Variants in RBFOX1 observed in about 807,000 individuals in gnomAD.
The protein encoded by RBFOX1 is RNA binding fox-1 homolog 1.
Under a neutral mutation model 57.7 loss-of-function variants are expected in RBFOX1, and 8 were observed. That is an observed-to-expected ratio of 0.14 (90% CI 0.08 to 0.25). RBFOX1 has a LOEUF of 0.25. Ranked by LOEUF, RBFOX1 falls within the 10% of genes least tolerant of loss-of-function variation. The pLI is 1.00. For missense variants in RBFOX1, 611 were observed against 548.5 expected, an observed-to-expected ratio of 1.11 and a Z score of -1.14; for synonymous variants, 326 against 222.4, an observed-to-expected ratio of 1.47 and a Z score of -4.15.
chr16:6,650,313 C>G (rs1476056370), intron 2 of RBFOX1, among the ~76,000 whole-genome samples: 1 of 151,810 alleles, frequency 6.6e-6, no homozygotes, highest in Non-Finnish European at 1.5e-5. Flanking sequence ...GTGAATAACC[C>G]CTTCTTCCCA....
chr16:7,045,981 C>G (rs571916062), intron 3 of RBFOX1, among the ~76,000 whole-genome samples: 2 of 151,994 alleles, frequency 1.3e-5, no homozygotes, highest in Admixed American at 1.3e-4. Flanking sequence ...TATTAATTAA[C>G]GAAAATCAAT....
intron 11 of RBFOX1, among the ~76,000 whole-genome samples, chr16:7,652,126 G>A (rs1394155817): frequency 6.6e-6 from 1 of 152,138 alleles, no homozygotes. Flanking sequence ...AACATTGCCT[G>A]CTACTTAGTG....
At chr16:7,673,129 A>C (rs1255199391) in intron 13 of RBFOX1, among the ~76,000 whole-genome samples, 1 of 152,038 alleles carries the variant, frequency 6.6e-6, no homozygotes, top group Non-Finnish European at 1.5e-5. Flanking sequence ...TTACAGTCCT[A>C]CCGACGCCCA....
At chr16:7,444,145 T>G (rs549965994) in intron 4 of RBFOX1, among the ~76,000 whole-genome samples, 1 of 152,328 alleles carries the variant, frequency 6.6e-6, no homozygotes, top group African/African-American at 2.4e-5. Context: ...AAACCAACAT[T>G]AGCTAGGGTT....
chr16:6,080,794 G>A (rs140553159), intron 1 of RBFOX1, among the ~76,000 whole-genome samples: 3 of 152,272 alleles, frequency 2.0e-5, no homozygotes, highest in Admixed American at 6.5e-5. Flanking sequence ...TTTGGTAACC[G>A]GCCAATTCCA....
chr16:6,256,171 G>GTA (rs1302097316), intron 1 of RBFOX1, among the ~76,000 whole-genome samples: 1 of 7,640 alleles, frequency 1.3e-4, no homozygotes, highest in African/African-American at 2.6e-4. Flanking sequence ...ATATATATAT[G>GTA]TATATATATA....
At chr16:7,614,141 C>T (rs747847942) in intron 10 of RBFOX1, 2 of 152,324 alleles carry the variant, frequency 1.3e-5, no homozygotes, top group Non-Finnish European at 2.9e-5. Context: ...GAACCATTGA[C>T]CTTTGGCTCT....
intron 1 of RBFOX1, among the ~76,000 whole-genome samples, chr16:6,081,240 A>T (rs764211342): frequency 6.6e-6 from 1 of 152,154 alleles, no homozygotes; most frequent in African/African-American, 2.4e-5. Context: ...GTGTTGGTTC[A>T]GGTTAAAAGC....
intron 3 of RBFOX1, among the ~76,000 whole-genome samples, chr16:6,983,230 C>G (rs1159001532): frequency 6.6e-6 from 1 of 152,074 alleles, no homozygotes; most frequent in Non-Finnish European, 1.5e-5. Flanking sequence ...GCTTTATCCT[C>G]TTGGTGATGG....
Position 5,434,122 on chromosome 16 carries a change from C to T in RBFOX1, c.220-33094C>T, listed in dbSNP as rs973653601. On this transcript the variant is annotated intron_variant, in intron 1 of 2. Coordinates refer to the RBFOX1 transcript ENST00000585867. ...GCAGACCTGTACAGAACCTCTGATG[C>T]ATGTCCTGCCAGTCATAGCTGCGTT... Among the ~76,000 whole-genome samples the T allele has an allele frequency of 3.9e-5, 6 of 152,244 alleles. No homozygotes were observed. The South Asian group carries it at 8.3e-4, about 21-fold the overall frequency.
chr16:6,597,391 C>A (rs773551616), intron 2 of RBFOX1, among the ~76,000 whole-genome samples: 1 of 151,964 alleles, frequency 6.6e-6, no homozygotes, highest in Non-Finnish European at 1.5e-5. Context: ...ACCAGGGACC[C>A]AACCAGGCGC....
intron 1 of RBFOX1, among the ~76,000 whole-genome samples, chr16:6,109,137 T>A (rs2096415611): frequency 6.6e-6 from 1 of 152,216 alleles, no homozygotes; most frequent in African/African-American, 2.4e-5. Context: ...ATAACCACTG[T>A]CAGTATCAGT....
intron 2 of RBFOX1, among the ~76,000 whole-genome samples, chr16:6,376,721 T>C (rs138883062): frequency 6.6e-6 from 1 of 152,270 alleles, no homozygotes; most frequent in African/African-American, 2.4e-5. Context: ...TATCAGAAGC[T>C]CAGTGGCCTA....
intron 2 of RBFOX1, among the ~76,000 whole-genome samples, chr16:6,442,894 T>A (rs770659299): frequency 1.3e-5 from 2 of 152,226 alleles, no homozygotes; most frequent in Non-Finnish European, 2.9e-5. Context: ...AATGATTGTG[T>A]GTTTGCCATG....
At chr16:5,888,288 C>G (rs1048712241) in intron 4 of RBFOX1, among the ~76,000 whole-genome samples, 5 of 152,166 alleles carry the variant, frequency 3.3e-5, no homozygotes, top group South Asian at 2.1e-4. Context: ...CAGTTGCCTC[C>G]CCTCATTATC....
At chr16:5,464,224 C>A (rs1199497521) in intron 1 of RBFOX1, among the ~76,000 whole-genome samples, 1 of 152,160 alleles carries the variant, frequency 6.6e-6, no homozygotes, top group East Asian at 1.9e-4. Context: ...GAGGATGGTC[C>A]GTTGAGTCTG....
At chr16:5,692,054 ATGAC>A in intron 3 of RBFOX1, among the ~76,000 whole-genome samples, 1 of 152,148 alleles carries the variant, frequency 6.6e-6, no homozygotes, top group Admixed American at 6.6e-5. Context: ...ACATCCCCAA[ATGAC>A]TGGGAAAGTG....
At chr16:7,018,488 T>G (rs1012796446) in intron 3 of RBFOX1, among the ~76,000 whole-genome samples, 3 of 152,206 alleles carry the variant, frequency 2.0e-5, no homozygotes, top group African/African-American at 7.2e-5. Flanking sequence ...TGATGGACAT[T>G]TGGATTGGTT....
chr16:6,921,194 A>T (rs1055181901), intron 3 of RBFOX1, among the ~76,000 whole-genome samples: 1 of 152,184 alleles, frequency 6.6e-6, no homozygotes, highest in African/African-American at 2.4e-5. Context: ...TGAGTTTTCT[A>T]TTCTGTGTTA....
Sources: allele counts gnomAD v4.1 joint callset (sites outside exome capture counted in the v4.1 genomes callset), GRCh38; gene constraint gnomAD v4.1.1; transcripts MANE v1.5; gene names NCBI Gene and HGNC (gene_info 2026-07-23, HGNC 2026-07-21).